LRIF1: variants seen among roughly 807,000 people sequenced by gnomAD.
LRIF1 encodes the protein ligand dependent nuclear receptor interacting factor 1, also known as ligand-dependent nuclear receptor-interacting factor 1.
A neutral mutation model predicts 52.7 loss-of-function variants in LRIF1; 32 were observed. The observed-to-expected ratio is 0.61, with a 90% CI of 0.46 to 0.82. LRIF1 has a LOEUF of 0.82. LRIF1 is among the 40% of genes least tolerant of loss of function. LRIF1 has a pLI of 0.00. For synonymous variants in LRIF1, 323 were observed against 317.4 expected, an observed-to-expected ratio of 1.02 and a Z score of -0.19; for missense variants, 887 against 892.0, an observed-to-expected ratio of 0.99 and a Z score of 0.07.
rs764056986 is a variant in LRIF1 at position 110,947,710 on chromosome 1, A to G, written c.*249T>C. Reference sequence around the variant, plus strand: ...AAACTTGGAGAATTCTAGTTAAAATAATAGAAAAATATAAAATTTATCCTT... The same window carrying G: ...AAACTTGGAGAATTCTAGTTAAAATGATAGAAAAATATAAAATTTATCCTT... On this transcript the variant is annotated 3_prime_UTR_variant, in exon 4 of 4. Coordinates refer to ENST00000369763, the MANE Select transcript of LRIF1 (RefSeq NM_018372.4). 9.4e-6 allele frequency: 3 copies of G among 319,080 alleles called. No homozygotes were observed. The highest frequency in any genetic ancestry group is 1.7e-5 in the Non-Finnish European group (3 of 181,070). 19.8% of individuals were successfully genotyped at this position (319,080 alleles called of 1,614,324 possible).
At chr1:110,925,648 GAGATA>G in the LRIF1 span, among the ~76,000 whole-genome samples, 1 of 152,108 alleles carries the variant, frequency 6.6e-6, no homozygotes, top group Non-Finnish European at 1.5e-5. Flanking sequence ...CAAAAAAAGA[GAGATA>G]AGATAAAAGG....
downstream of LRIF1, among the ~76,000 whole-genome samples, chr1:110,945,831 AGACT>A (rs1570935980): frequency 6.6e-6 from 1 of 152,360 alleles, no homozygotes; most frequent in East Asian, 1.9e-4. Context: ...TAAATCAAGA[AGACT>A]GACAATTGAC....
chr1:110,957,267 C>G (rs2101118145), intron 1 of LRIF1, among the ~76,000 whole-genome samples: 1 of 138,722 alleles, frequency 7.2e-6, no homozygotes, highest in East Asian at 2.1e-4. Context: ...ACCATCCTGG[C>G]TAACACAGTG....
the LRIF1 span, among the ~76,000 whole-genome samples, chr1:110,886,869 A>ATTTT: frequency 0.014 from 1,185 of 82,754 alleles, 21 homozygotes; most frequent in Middle Eastern, 0.026. Context: ...ATATATATAT[A>ATTTT]TTTTTTTTTT....
chr1:110,891,672 G>A, the LRIF1 span, among the ~76,000 whole-genome samples: 1 of 152,204 alleles, frequency 6.6e-6, no homozygotes, highest in East Asian at 1.9e-4. Flanking sequence ...AAAGGTACCA[G>A]TGCAGTTATT....
the LRIF1 span, among the ~76,000 whole-genome samples, chr1:110,900,241 G>C: frequency 6.6e-6 from 1 of 152,188 alleles, no homozygotes; most frequent in African/African-American, 2.4e-5. Context: ...GCAAGCCTCA[G>C]ATCTTTGCCA....
chr1:110,888,392 C>T, the LRIF1 span, among the ~76,000 whole-genome samples: 1 of 152,196 alleles, frequency 6.6e-6, no homozygotes, highest in African/African-American at 2.4e-5. Context: ...GGCTCTCCCT[C>T]TATGCTCCAT....
the LRIF1 span, among the ~76,000 whole-genome samples, chr1:110,886,575 A>T: frequency 6.6e-6 from 1 of 151,992 alleles, no homozygotes; most frequent in African/African-American, 2.4e-5. Context: ...CTGGCCAGGC[A>T]TGGTGGCTCA....
the LRIF1 span, among the ~76,000 whole-genome samples, chr1:110,875,810 G>A: frequency 2.0e-5 from 3 of 152,222 alleles, no homozygotes; most frequent in African/African-American, 7.2e-5. Flanking sequence ...AGTTTGAGAA[G>A]GCTGTCTGGA....
the LRIF1 span, among the ~76,000 whole-genome samples, chr1:110,901,477 CTTTTTTTT>C: frequency 8.6e-6 from 1 of 115,904 alleles, no homozygotes; most frequent in Non-Finnish European, 1.7e-5. Flanking sequence ...CGCACCCGGC[CTTTTTTTT>C]TTTTTTTTTT....
Position 110,951,750 on chromosome 1 carries a change from T to C in LRIF1, c.1134A>G (p.Gln378=), listed in dbSNP as rs755384161. ...AKKGTDVLPS[Q]IDQQNSVSPD... ...GAGAAACAGAATTCTGTTGGTCAAT[T>C]TGTGATGGCAGAACATCTGTCCCCT... Residue 378 remains glutamine (Q), a synonymous_variant, in exon 2 of 4, where the codon CAA becomes CAG. Transcript: ENST00000369763. 4.5e-5 allele frequency: 72 copies of C among 1,613,330 alleles called. 1 individual carries two copies. In the South Asian group the frequency reaches 7.7e-4, roughly 17 times the overall value.
At chr1:110,934,960 C>A in the LRIF1 span, among the ~76,000 whole-genome samples, 2 of 152,184 alleles carry the variant, frequency 1.3e-5, no homozygotes, top group Admixed American at 1.3e-4. Flanking sequence ...TGTGTCACTT[C>A]ATCCCCAGCT....
the LRIF1 span, among the ~76,000 whole-genome samples, chr1:110,922,978 C>T: frequency 9.2e-5 from 14 of 152,274 alleles, no homozygotes; most frequent in African/African-American, 3.4e-4. Context: ...ATTGGACCCA[C>T]CTGGATAATC....
chr1:110,903,663 G>C, the LRIF1 span, among the ~76,000 whole-genome samples: 1 of 152,248 alleles, frequency 6.6e-6, no homozygotes, highest in Non-Finnish European at 1.5e-5. Context: ...GACCCTCTGA[G>C]ACTTGCTTGT....
intron 1 of LRIF1, chr1:110,963,323 A>C: frequency 4.3e-6 from 1 of 229,956 alleles, no homozygotes; most frequent in Non-Finnish European, 8.7e-6. Context: ...GTCACATAAG[A>C]GCGTCGGCCA....
chr1:110,911,880 C>T, the LRIF1 span, among the ~76,000 whole-genome samples: 1 of 152,148 alleles, frequency 6.6e-6, no homozygotes, highest in African/African-American at 2.4e-5. Flanking sequence ...CTATCTATGA[C>T]AAACCCACAG....
the LRIF1 span, among the ~76,000 whole-genome samples, chr1:110,919,658 G>A: frequency 1.3e-5 from 2 of 152,130 alleles, no homozygotes; most frequent in Non-Finnish European, 2.9e-5. Context: ...GCTAAAATCA[G>A]TAGTATGATA....
chr1:110,913,470 C>T, the LRIF1 span, among the ~76,000 whole-genome samples: 1 of 152,056 alleles, frequency 6.6e-6, no homozygotes, highest in East Asian at 1.9e-4. Context: ...GAAAACAACC[C>T]CATTAAAAAT....
chr1:110,895,051 C>A, the LRIF1 span: 1 of 1,608,682 alleles, frequency 6.2e-7, no homozygotes, highest in South Asian at 1.1e-5. Context: ...TCCATCCAGT[C>A]ATTTGTGAGT....
Sources: gnomAD v4.1 joint callset for allele counts (sites outside exome capture counted in the v4.1 genomes callset) on GRCh38, gnomAD v4.1.1 for gene constraint, MANE v1.5 for transcripts, NCBI Gene and HGNC (gene_info 2026-07-23, HGNC 2026-07-21) for gene names.